Variants in RBMS1 observed in about 807,000 individuals in gnomAD.
The protein encoded by RBMS1 is RNA-binding motif, single-stranded-interacting protein 1.
Under a neutral mutation model 62.3 loss-of-function variants are expected in RBMS1, and 17 were observed. The observed-to-expected ratio is 0.27, with a 90% CI of 0.19 to 0.41. The LOEUF (loss-of-function observed/expected upper bound fraction) is 0.41. RBMS1 is among the 10% of genes least tolerant of loss of function. The pLI, the probability that RBMS1 is intolerant of heterozygous loss-of-function variation, is 1.00. For synonymous variants in RBMS1, 172 were observed against 170.0 expected, an observed-to-expected ratio of 1.01 and a Z score of -0.09; for missense variants, 334 against 504.5, an observed-to-expected ratio of 0.66 and a Z score of 3.24.
chr2:160,466,405 A>C (rs1684692762), intron 1 of RBMS1, among the ~76,000 whole-genome samples: 2 of 152,132 alleles, frequency 1.3e-5, no homozygotes, highest in South Asian at 4.1e-4. Context: ...AGAGGAAAAA[A>C]CCCTCTAAAT....
intron 1 of RBMS1, among the ~76,000 whole-genome samples, chr2:160,375,646 C>A (rs190944754): frequency 7.2e-5 from 11 of 152,206 alleles, no homozygotes; most frequent in Non-Finnish European, 1.3e-4. Flanking sequence ...GCTCCAAAAC[C>A]ACTTTAAAAG....
chr2:160,294,317 G>C (rs1298070511), intron 6 of RBMS1, among the ~76,000 whole-genome samples: 2 of 152,200 alleles, frequency 1.3e-5, no homozygotes, highest in African/African-American at 2.4e-5. Flanking sequence ...ATTTCAGAAA[G>C]CAGACGGCAC....
At chr2:160,301,618 C>T (rs950427928) in intron 5 of RBMS1, among the ~76,000 whole-genome samples, 4 of 152,156 alleles carry the variant, frequency 2.6e-5, no homozygotes, top group Admixed American at 2.0e-4. Context: ...GACTCACTTG[C>T]GTCATTTTAA....
chr2:160,449,531 A>G (rs1683868022), intron 1 of RBMS1, among the ~76,000 whole-genome samples: 1 of 152,184 alleles, frequency 6.6e-6, no homozygotes, highest in East Asian at 1.9e-4. Flanking sequence ...CTTACCCCCA[A>G]CCCCGTGCTC....
chr2:160,439,240 C>T (rs1322743287), intron 1 of RBMS1, among the ~76,000 whole-genome samples: 1 of 151,780 alleles, frequency 6.6e-6, no homozygotes, highest in South Asian at 2.1e-4. Flanking sequence ...CGGACGGAGA[C>T]GCTCCTCACT....
chr2:160,457,916 CT>C (rs1206176403), intron 1 of RBMS1, among the ~76,000 whole-genome samples: 7 of 151,746 alleles, frequency 4.6e-5, no homozygotes, highest in African/African-American at 1.5e-4. Flanking sequence ...GTTTCTCTGA[CT>C]CATTTTTAAA....
chr2:160,345,173 A>T (rs1692106801), intron 2 of RBMS1, among the ~76,000 whole-genome samples: 2 of 152,160 alleles, frequency 1.3e-5, no homozygotes, highest in South Asian at 4.1e-4. Context: ...TAAGTAGAGT[A>T]ACTCAGAGGG....
At chr2:160,368,069 G>C (rs894658894) in intron 1 of RBMS1, among the ~76,000 whole-genome samples, 11 of 152,194 alleles carry the variant, frequency 7.2e-5, no homozygotes, top group African/African-American at 2.7e-4. Context: ...AAAGGACTCA[G>C]TGTGGTTTTA....
intron 1 of RBMS1, among the ~76,000 whole-genome samples, chr2:160,372,066 A>G (rs1181894195): frequency 1.3e-5 from 2 of 152,230 alleles, no homozygotes; most frequent in Non-Finnish European, 2.9e-5. Context: ...TGCAGCAAAG[A>G]TAATTTTAAA....
At chr2:160,417,940 A>G (rs1696269137) in intron 1 of RBMS1, among the ~76,000 whole-genome samples, 1 of 152,234 alleles carries the variant, frequency 6.6e-6, no homozygotes, top group African/African-American at 2.4e-5. Context: ...TGCACGCATC[A>G]GAATGAGAAA....
chr2:160,463,501 C>T (rs959399661), intron 1 of RBMS1, among the ~76,000 whole-genome samples: 2 of 152,080 alleles, frequency 1.3e-5, no homozygotes, highest in African/African-American at 4.8e-5. Context: ...AGCAACTTTG[C>T]GGCCGGGCGC....
chr2:160,386,018 ACTT>A (rs569493864), intron 1 of RBMS1, among the ~76,000 whole-genome samples: 160 of 152,318 alleles, frequency 1.1e-3, no homozygotes, highest in Middle Eastern at 3.4e-3. Context: ...AACTGAAAGA[ACTT>A]CTGAACTAGA....
intron 6 of RBMS1, among the ~76,000 whole-genome samples, chr2:160,296,897 C>G (rs1024154965): frequency 1.3e-5 from 2 of 152,110 alleles, no homozygotes; most frequent in African/African-American, 4.8e-5. Context: ...ATATGAGCAC[C>G]AGTGTCTGCT....
At chr2:160,368,903 G>A (rs999054102) in intron 1 of RBMS1, among the ~76,000 whole-genome samples, 2 of 152,190 alleles carry the variant, frequency 1.3e-5, no homozygotes, top group African/African-American at 2.4e-5. Flanking sequence ...GTTTCCCAAA[G>A]TGCTGGGATT....
rs371809084 is a variant in RBMS1, at chr2:160,458,647, A to T, written c.75+34642T>A. Among the ~76,000 whole-genome samples, 17 of 152,202 alleles carry T rather than the reference A, an allele frequency of 1.1e-4. No homozygotes were observed. In the East Asian group the frequency reaches 1.5e-3, roughly 14 times the overall value. ...TCCCATGTCTACTAATGATACAAAA[A>T]TGAACTGGGCGTGGTGGCGCATGCC... On this transcript the variant is annotated intron_variant, in intron 1 of 13. Coordinates refer to ENST00000348849, the MANE Select transcript of RBMS1 (RefSeq NM_016836.4).
intron 1 of RBMS1, among the ~76,000 whole-genome samples, chr2:160,481,691 C>A (rs964540487): frequency 2.6e-5 from 4 of 151,986 alleles, no homozygotes; most frequent in African/African-American, 9.7e-5. Context: ...AAAAAATGAT[C>A]AAAAAATTTG....
At chr2:160,390,510 G>T (rs1490657671) in intron 1 of RBMS1, among the ~76,000 whole-genome samples, 2 of 152,078 alleles carry the variant, frequency 1.3e-5, no homozygotes, top group African/African-American at 2.4e-5. Context: ...GGGCAGCATG[G>T]TAAGACCTTG....
At chr2:160,424,744 G>T (rs1696576350) in intron 1 of RBMS1, among the ~76,000 whole-genome samples, 1 of 152,056 alleles carries the variant, frequency 6.6e-6, no homozygotes, top group African/African-American at 2.4e-5. Context: ...CAGAAATTAA[G>T]AAAGATTTTA....
chr2:160,372,402 A>G (rs1251188992), intron 1 of RBMS1, among the ~76,000 whole-genome samples: 2 of 152,282 alleles, frequency 1.3e-5, no homozygotes, highest in East Asian at 3.9e-4. Flanking sequence ...GGTTTAATAC[A>G]TCAACTATTT....
Sources: allele counts gnomAD v4.1 joint callset (sites outside exome capture counted in the v4.1 genomes callset), GRCh38; gene constraint gnomAD v4.1.1; transcripts MANE v1.5; gene names NCBI Gene and HGNC (gene_info 2026-07-23, HGNC 2026-07-21).